Variants in NALCN observed in about 807,000 individuals in gnomAD.
The protein encoded by NALCN is sodium leak channel, non-selective.
In NALCN, 111 loss-of-function variants were observed where a neutral mutation model predicts 225.3. That is an observed-to-expected ratio of 0.49 (90% confidence interval 0.42 to 0.58). The LOEUF (loss-of-function observed/expected upper bound fraction) is 0.58. Among genes scored for constraint, NALCN ranks in the 20% least tolerant of loss-of-function variants. NALCN has a pLI of 0.00. For missense variants in NALCN, 1,378 were observed against 2,202.4 expected (o/e 0.63, Z 7.49); for synonymous variants, 764 against 769.0 (o/e 0.99, Z 0.11).
At chr13:101,229,303 G>A (rs1010695005) in intron 13 of NALCN, 90 bp downstream of exon 13, 39 of 1,191,054 alleles carry the variant, frequency 3.3e-5, no homozygotes, top group Non-Finnish European at 4.5e-5. Flanking sequence ...TAATACTTCT[G>A]AATGACTAAA....
At chr13:101,246,047 A>G (rs370608138) in intron 11 of NALCN, among the ~76,000 whole-genome samples, 350 of 152,236 alleles carry the variant, frequency 2.3e-3, no homozygotes, top group African/African-American at 8.3e-3. Flanking sequence ...TCACTCCCAC[A>G]CTGTGAAGTG....
At chr13:101,271,946 G>A (rs897420955) in intron 10 of NALCN, among the ~76,000 whole-genome samples, 1 of 151,860 alleles carries the variant, frequency 6.6e-6, no homozygotes, top group African/African-American at 2.4e-5. Context: ...TGAAGTGTGT[G>A]TGCATGAGCA....
At chr13:101,408,301 C>T (rs972662765) in intron 1 of NALCN, among the ~76,000 whole-genome samples, 11 of 145,404 alleles carry the variant, frequency 7.6e-5, no homozygotes, top group African/African-American at 2.6e-4. Flanking sequence ...CGGGCCCTCT[C>T]AAGCAAGCCT....
chr13:101,341,079 A>G (rs531264775), intron 7 of NALCN, among the ~76,000 whole-genome samples: 5 of 152,306 alleles, frequency 3.3e-5, no homozygotes, highest in African/African-American at 1.2e-4. Context: ...ACATAATCAC[A>G]CTATCTCCCC....
At chr13:101,081,463 G>A in intron 34 of NALCN, 64 bp downstream of exon 34, 2 of 1,607,802 alleles carry the variant, frequency 1.2e-6, no homozygotes, top group Admixed American at 1.7e-5. Context: ...ACTGGAAACA[G>A]GACTGAGCAG....
At chr13:101,146,805 C>T (rs1170798454) in intron 15 of NALCN, among the ~76,000 whole-genome samples, 1 of 152,156 alleles carries the variant, frequency 6.6e-6, no homozygotes, top group Admixed American at 6.5e-5. Flanking sequence ...CACTCGCCCT[C>T]ACGGAGCCCA....
At chr13:101,165,481 T>C (rs960801482) in intron 15 of NALCN, among the ~76,000 whole-genome samples, 1 of 152,212 alleles carries the variant, frequency 6.6e-6, no homozygotes, top group Admixed American at 6.5e-5. Flanking sequence ...GTCGTTGTTG[T>C]TGTTATTTGA....
At chr13:101,119,220 T>C (rs904558505) in intron 18 of NALCN, among the ~76,000 whole-genome samples, 5 of 152,218 alleles carry the variant, frequency 3.3e-5, no homozygotes, top group African/African-American at 1.2e-4. Flanking sequence ...ATGTAAGTAG[T>C]ATATAAGTTG....
intron 4 of NALCN, among the ~76,000 whole-genome samples, 168 bp from the exon 5 acceptor site, chr13:101,377,224 T>C (rs1025346108): frequency 2.0e-5 from 3 of 152,240 alleles, no homozygotes; most frequent in African/African-American, 4.8e-5. Flanking sequence ...TTTGAAGCTA[T>C]AGCTATCTTA....
At chr13:101,244,736 G>C (rs534563449) in intron 11 of NALCN, among the ~76,000 whole-genome samples, 12 of 152,196 alleles carry the variant, frequency 7.9e-5, no homozygotes, top group Non-Finnish European at 1.6e-4. Context: ...AATCAAATTA[G>C]TTTAAATGAT....
intron 3 of NALCN, among the ~76,000 whole-genome samples, chr13:101,388,919 A>G (rs1444935090): frequency 1.3e-5 from 2 of 152,224 alleles, no homozygotes. Context: ...CACACAAGTG[A>G]CAGGGCCATT....
intron 3 of NALCN, among the ~76,000 whole-genome samples, chr13:101,381,636 C>T (rs755195345): frequency 1.5e-4 from 23 of 152,078 alleles, no homozygotes; most frequent in South Asian, 2.1e-4. Flanking sequence ...TCCCTCAGCT[C>T]ATAAGCATCC....
chr13:101,374,357 C>A (rs989053492), intron 6 of NALCN, among the ~76,000 whole-genome samples: 1 of 148,920 alleles, frequency 6.7e-6, no homozygotes, highest in Non-Finnish European at 1.5e-5. Flanking sequence ...CTCACTGCAA[C>A]CTCCGCCTTC....
At chr13:101,114,549 A>G (rs1301537588) in intron 18 of NALCN, among the ~76,000 whole-genome samples, 1 of 151,964 alleles carries the variant, frequency 6.6e-6, no homozygotes, top group Non-Finnish European at 1.5e-5. Flanking sequence ...GGAGGAATCC[A>G]GCAAACCGGA....
chr13:101,121,967 TTA>T (rs1491431097), intron 18 of NALCN, among the ~76,000 whole-genome samples: 1 of 134,152 alleles, frequency 7.5e-6, no homozygotes, highest in African/African-American at 3.2e-5. Flanking sequence ...TTTTTTTTTT[TTA>T]AAAAAAATTC....
chr13:101,082,965 T>C (rs1316936524), intron 32 of NALCN, 82 bp from the exon 33 acceptor site: 2 of 1,578,616 alleles, frequency 1.3e-6, no homozygotes, highest in Non-Finnish European at 1.7e-6. Context: ...CACTTTGCCA[T>C]TGACAGTGAA....
At chr13:101,123,473 A>G (rs1594253275) in intron 18 of NALCN, among the ~76,000 whole-genome samples, 1 of 152,192 alleles carries the variant, frequency 6.6e-6, no homozygotes, top group Admixed American at 6.5e-5. Flanking sequence ...TGATGGTAAT[A>G]CCAGGATGGA....
intron 13 of NALCN, among the ~76,000 whole-genome samples, chr13:101,227,444 T>C (rs1024289042): frequency 1.3e-5 from 2 of 152,146 alleles, no homozygotes; most frequent in East Asian, 1.9e-4. Context: ...GATTGACTCC[T>C]TGTTGATGAG....
intron 20 of NALCN, among the ~76,000 whole-genome samples, chr13:101,109,959 C>A (rs2035343320): frequency 6.6e-6 from 1 of 152,138 alleles, no homozygotes; most frequent in Non-Finnish European, 1.5e-5. Flanking sequence ...AGAAATCACT[C>A]CAGAAATTCC....
Sources: gnomAD v4.1 joint callset for allele counts (sites outside exome capture counted in the v4.1 genomes callset) on GRCh38, gnomAD v4.1.1 for gene constraint, MANE v1.5 for transcripts, NCBI Gene and HGNC (gene_info 2026-07-23, HGNC 2026-07-21) for gene names.